The following GLIS3 variants were observed in gnomAD, a reference collection of about 807,000 sequenced individuals.
GLIS3 encodes the protein zinc finger protein GLIS3.
In GLIS3, 53 loss-of-function variants were observed where a neutral mutation model predicts 78.6. The observed-to-expected ratio is 0.67, with a 90% CI of 0.54 to 0.85. The LOEUF (loss-of-function observed/expected upper bound fraction) is 0.85, where lower values mean the gene tolerates loss of function less well. GLIS3 is among the 40% of genes least tolerant of loss of function. GLIS3 has a pLI of 0.00. For synonymous variants in GLIS3, 684 were observed against 509.9 expected (o/e 1.34, Z -4.60); for missense variants, 1,703 against 1,231.1 (o/e 1.38, Z -5.74).
chr9:4,463,762 T>G, the GLIS3 span, among the ~76,000 whole-genome samples: 8 of 152,212 alleles, frequency 5.3e-5, no homozygotes, highest in African/African-American at 1.9e-4. Flanking sequence ...CTTCCTACTT[T>G]ACACAGTTTT....
intron 4 of GLIS3, among the ~76,000 whole-genome samples, chr9:4,012,592 T>G (rs1822107369): frequency 6.6e-6 from 1 of 152,098 alleles, no homozygotes; most frequent in Admixed American, 6.6e-5. Flanking sequence ...TCTGTTGGAC[T>G]AGTGTGTAAA....
At chr9:4,178,653 G>A (rs1466837493) in intron 2 of GLIS3, among the ~76,000 whole-genome samples, 2 of 152,118 alleles carry the variant, frequency 1.3e-5, no homozygotes, top group African/African-American at 2.4e-5. Flanking sequence ...CATAAACACA[G>A]GAAAATAAAA....
intron 7 of GLIS3, among the ~76,000 whole-genome samples, chr9:3,887,635 G>T (rs1822169208): frequency 6.6e-6 from 1 of 152,164 alleles, no homozygotes; most frequent in African/African-American, 2.4e-5. Context: ...CAGGGAAGAG[G>T]TGTTAGTGTG....
At chr9:4,028,267 G>A (rs1490914816) in intron 4 of GLIS3, among the ~76,000 whole-genome samples, 1 of 152,060 alleles carries the variant, frequency 6.6e-6, no homozygotes, top group Admixed American at 6.6e-5. Context: ...CACTTCGCAG[G>A]ACTGCTGTGA....
At chr9:4,481,639 A>G in the GLIS3 span, among the ~76,000 whole-genome samples, 14 of 152,072 alleles carry the variant, frequency 9.2e-5, no homozygotes, top group African/African-American at 3.4e-4. Context: ...ATGTCTCATT[A>G]TCTAGTGTAC....
At chr9:3,855,781 T>G in intron 9 of GLIS3, 4 of 534,232 alleles carry the variant, frequency 7.5e-6, no homozygotes, top group Non-Finnish European at 1.4e-5. Context: ...AACCAGCAAC[T>G]TGAGCTGACC....
intron 2 of GLIS3, among the ~76,000 whole-genome samples, chr9:4,338,389 T>TAC (rs202090144): frequency 0.26 from 38,241 of 147,224 alleles, 4,808 homozygotes; most frequent in Non-Finnish European, 0.28. Context: ...CACACACACA[T>TAC]ACACACACAC....
At chr9:4,268,350 A>G (rs11999211) in intron 2 of GLIS3, among the ~76,000 whole-genome samples, 195 of 152,324 alleles carry the variant, frequency 1.3e-3, no homozygotes, top group Non-Finnish European at 9.4e-4. Flanking sequence ...CTACCATATC[A>G]TAAGTGTTAT....
At chr9:4,204,283 C>G (rs1325025504) in intron 2 of GLIS3, among the ~76,000 whole-genome samples, 2 of 152,126 alleles carry the variant, frequency 1.3e-5, no homozygotes, top group African/African-American at 4.8e-5. Flanking sequence ...ACGATTCTTT[C>G]ACACACACAT....
the GLIS3 span, among the ~76,000 whole-genome samples, chr9:4,457,701 T>A: frequency 6.6e-6 from 1 of 151,506 alleles, no homozygotes; most frequent in East Asian, 1.9e-4. Flanking sequence ...CAAAAAAAAA[T>A]TAGCTGGGCA....
the GLIS3 span, among the ~76,000 whole-genome samples, chr9:4,426,835 C>G: frequency 6.6e-6 from 1 of 152,190 alleles, no homozygotes; most frequent in Non-Finnish European, 1.5e-5. Context: ...GTGTAAGGAT[C>G]AAATGACCTG....
At chr9:4,471,100 A>G in the GLIS3 span, among the ~76,000 whole-genome samples, 7 of 152,188 alleles carry the variant, frequency 4.6e-5, no homozygotes, top group Admixed American at 2.6e-4. Context: ...TCAACGAAAT[A>G]AAAGAGGACA....
chr9:4,288,758 T>C (rs1236003353), intron 1 of GLIS3, among the ~76,000 whole-genome samples: 5 of 151,988 alleles, frequency 3.3e-5, no homozygotes, highest in African/African-American at 4.8e-5. Flanking sequence ...ACAAAAAGTA[T>C]ACTTAAATTT....
intron 4 of GLIS3, among the ~76,000 whole-genome samples, chr9:3,973,866 T>A (rs1348063161): frequency 6.6e-6 from 1 of 152,176 alleles, no homozygotes; most frequent in African/African-American, 2.4e-5. Context: ...ATCTTATTTT[T>A]GTAAAACTTT....
intron 4 of GLIS3, among the ~76,000 whole-genome samples, chr9:4,059,363 T>G (rs1042731147): frequency 6.6e-6 from 1 of 152,238 alleles, no homozygotes; most frequent in Non-Finnish European, 1.5e-5. Context: ...TCTGGAGATC[T>G]CTGCACTGCT....
intron 2 of GLIS3, among the ~76,000 whole-genome samples, chr9:4,217,994 C>T (rs145672618): frequency 6.6e-6 from 1 of 152,272 alleles, no homozygotes; most frequent in East Asian, 1.9e-4. Context: ...TTTCCTTCTC[C>T]CTCCACTCAC....
At chr9:4,348,611 T>G (rs374588092), upstream of GLIS3, among the ~76,000 whole-genome samples, 1 of 152,234 alleles carries the variant, frequency 6.6e-6, no homozygotes. Context: ...ATATGGGTTA[T>G]CTTATTATGA....
At chr9:4,253,589 C>A (rs1475679155) in intron 2 of GLIS3, among the ~76,000 whole-genome samples, 2 of 152,210 alleles carry the variant, frequency 1.3e-5, no homozygotes, top group African/African-American at 4.8e-5. Context: ...GTCTCCCTGG[C>A]TTCAGCCCCC....
chr9:4,467,419 C>A, the GLIS3 span, among the ~76,000 whole-genome samples: 1 of 152,148 alleles, frequency 6.6e-6, no homozygotes, highest in East Asian at 1.9e-4. Context: ...CCACAGGACC[C>A]TCGGAGATGA....
Sources: gnomAD v4.1 joint callset for allele counts (sites outside exome capture counted in the v4.1 genomes callset) on GRCh38, gnomAD v4.1.1 for gene constraint, MANE v1.5 for transcripts, NCBI Gene and HGNC (gene_info 2026-07-23, HGNC 2026-07-21) for gene names.